Variants in PGBD5 observed in about 807,000 individuals in gnomAD.
PGBD5 encodes piggyBac transposable element derived 5, also known as piggyBac transposable element-derived protein 5.
Under a neutral mutation model 47.9 loss-of-function variants are expected in PGBD5, and 14 were observed. That is an observed-to-expected ratio of 0.29 (90% CI 0.19 to 0.46). The LOEUF is 0.46. Ranked by LOEUF, PGBD5 falls within the 20% of genes least tolerant of loss-of-function variation. The probability of loss-of-function intolerance (pLI) is 1.00; values close to 1 mark genes in which losing one functional copy is unlikely to be tolerated. For missense variants in PGBD5, 635 were observed against 716.0 expected (o/e 0.89, Z 1.29); for synonymous variants, 316 against 306.3 (o/e 1.03, Z -0.33).
At chr1:230,379,446 CATT>C (rs1202092443) in intron 1 of PGBD5, among the ~76,000 whole-genome samples, 1 of 152,218 alleles carries the variant, frequency 6.6e-6, no homozygotes, top group African/African-American at 2.4e-5. Context: ...CTGTTTCCAT[CATT>C]ATTAGAATTA....
At chr1:230,360,528 C>T (rs1169667169) in intron 1 of PGBD5, among the ~76,000 whole-genome samples, 1 of 152,108 alleles carries the variant, frequency 6.6e-6, no homozygotes, top group African/African-American at 2.4e-5. Flanking sequence ...GGCGGGTCCC[C>T]CATGCTGTTC....
intron 1 of PGBD5, among the ~76,000 whole-genome samples, chr1:230,394,725 CCT>C (rs540586907): frequency 1.3e-4 from 17 of 135,386 alleles, no homozygotes; most frequent in Admixed American, 5.8e-4. Flanking sequence ...TCCCCGAGCT[CCT>C]CTCTCATCCC....
intron 1 of PGBD5, among the ~76,000 whole-genome samples, chr1:230,363,597 GGCTTTATGTGCCTTCTAAACT>G (rs987925473): frequency 1.3e-5 from 2 of 151,758 alleles, no homozygotes; most frequent in African/African-American, 4.8e-5. Context: ...AAAAAAAAGT[GGCTTTATGTGCCTTCTAAACT>G]GCAGCCTTTT....
At chr1:230,411,919 T>C (rs916675973) in intron 1 of PGBD5, among the ~76,000 whole-genome samples, 5 of 151,984 alleles carry the variant, frequency 3.3e-5, no homozygotes, top group African/African-American at 1.2e-4. Context: ...AAAAATGAAG[T>C]AAAATAGAAG....
At chr1:230,376,781 T>C (rs1049022167) in intron 1 of PGBD5, among the ~76,000 whole-genome samples, 1 of 152,188 alleles carries the variant, frequency 6.6e-6, no homozygotes, top group African/African-American at 2.4e-5. Flanking sequence ...TAGGGATGTC[T>C]AAGGTTCTTT....
rs183346822 is a variant in PGBD5, at chr1:230,389,152, C to A, written c.332-31831G>T. Among the ~76,000 whole-genome samples the A allele has an allele frequency of 8.0e-4, 122 of 151,858 alleles. 1 individual carries two copies. The East Asian group carries it at 0.022, about 27-fold the overall frequency. On this transcript the variant is annotated intron_variant, in intron 1 of 6. Coordinates refer to ENST00000391860, the MANE Select transcript of PGBD5 (RefSeq NM_001258311.2). Reference sequence around the variant, plus strand: ...TGATGCAAAACCCTTGGAGGTTCTACGCAAGTGATGACATTTTCTTTCTTT... The same window carrying A: ...TGATGCAAAACCCTTGGAGGTTCTAAGCAAGTGATGACATTTTCTTTCTTT...
intron 3 of PGBD5, among the ~76,000 whole-genome samples, chr1:230,339,227 A>G (rs559543755): frequency 6.6e-6 from 1 of 152,220 alleles, no homozygotes; most frequent in Non-Finnish European, 1.5e-5. Flanking sequence ...CGGAGTGAAG[A>G]TGACGTCAGT....
At chr1:230,368,617 C>A (rs960820195) in intron 1 of PGBD5, among the ~76,000 whole-genome samples, 4 of 152,218 alleles carry the variant, frequency 2.6e-5, no homozygotes, top group Non-Finnish European at 5.9e-5. Context: ...TCAGCAGCAT[C>A]CCTGCAGCAC....
chr1:230,413,756 C>T (rs1657460524), intron 1 of PGBD5, among the ~76,000 whole-genome samples: 1 of 152,126 alleles, frequency 6.6e-6, no homozygotes, highest in Admixed American at 6.5e-5. Flanking sequence ...CTGCTCGTGT[C>T]AGCACCTCTT....
chr1:230,395,261 C>T (rs1323815972), intron 1 of PGBD5, among the ~76,000 whole-genome samples: 4 of 42,488 alleles, frequency 9.4e-5, no homozygotes, highest in Non-Finnish European at 1.9e-4. Flanking sequence ...TTCTCCCCCC[C>T]TCACGCTTCT....
chr1:230,355,348 C>T (rs1445320758), intron 2 of PGBD5, among the ~76,000 whole-genome samples: 1 of 152,208 alleles, frequency 6.6e-6, no homozygotes, highest in Admixed American at 6.5e-5. Flanking sequence ...GCCAGGCACT[C>T]ACCCTGGACT....
intron 3 of PGBD5, among the ~76,000 whole-genome samples, chr1:230,340,848 A>G (rs1463642983): frequency 3.9e-5 from 6 of 152,104 alleles, no homozygotes; most frequent in African/African-American, 7.2e-5. Context: ...GTCCTGCCGC[A>G]GGACTGCCTT....
At chr1:230,368,579 AT>A (rs1667879492) in intron 1 of PGBD5, among the ~76,000 whole-genome samples, 2 of 152,196 alleles carry the variant, frequency 1.3e-5, no homozygotes, top group Admixed American at 6.5e-5. Flanking sequence ...ACGCAGGGGG[AT>A]GATGACTCTT....
At chr1:230,356,262 G>A (rs1033572203) in intron 2 of PGBD5, among the ~76,000 whole-genome samples, 8 of 152,182 alleles carry the variant, frequency 5.3e-5, no homozygotes, top group African/African-American at 1.9e-4. Flanking sequence ...CCAGGGCCAG[G>A]TGCCATTGTC....
intron 1 of PGBD5, among the ~76,000 whole-genome samples, chr1:230,369,601 C>G (rs940018738): frequency 1.9e-4 from 26 of 134,938 alleles, no homozygotes; most frequent in African/African-American, 6.2e-4. Flanking sequence ...CCCCATCAGG[C>G]CCTCTGTGCT....
intron 3 of PGBD5, among the ~76,000 whole-genome samples, chr1:230,343,929 CT>C (rs1184975716): frequency 1.3e-5 from 2 of 152,196 alleles, no homozygotes; most frequent in African/African-American, 4.8e-5. Flanking sequence ...AGATACTTGG[CT>C]TTTTGTCTAA....
intron 1 of PGBD5, among the ~76,000 whole-genome samples, chr1:230,376,540 C>G (rs967443674): frequency 6.7e-6 from 1 of 149,316 alleles, no homozygotes; most frequent in African/African-American, 2.4e-5. Flanking sequence ...TGGCCTCTGG[C>G]TTCTTGTTGG....
At chr1:230,355,110 C>T (rs940464401) in intron 2 of PGBD5, among the ~76,000 whole-genome samples, 1 of 152,180 alleles carries the variant, frequency 6.6e-6, no homozygotes, top group African/African-American at 2.4e-5. Flanking sequence ...TCTAGGCTCT[C>T]CCTGTTCCTG....
rs373642462 is a variant in PGBD5, at chr1:230,332,974, C to A, written c.1143G>T (p.Leu381=). The A allele has an allele frequency of 2.7e-4, 438 of 1,613,716 alleles. 1 individual carries two copies. The highest frequency in any genetic ancestry group is 3.5e-4 in the Non-Finnish European group (418 of 1,179,856). Residue 381 remains leucine (L), a synonymous_variant, in exon 5 of 7, where the codon CTG becomes CTT. Transcript: ENST00000391860. ...GGGCCGGGGGTGTGGCTGGGTTGGTCAGCATGGACAGTGGGAGGCCGGTGC... is the reference window on the plus strand; with the variant it reads ...GGGCCGGGGGTGTGGCTGGGTTGGTAAGCATGGACAGTGGGAGGCCGGTGC... The part of the protein sequence containing the change: ...SDCTGLPLSM[L]TNPATPPARG...
Sources: gnomAD v4.1 joint callset for allele counts (sites outside exome capture counted in the v4.1 genomes callset) on GRCh38, gnomAD v4.1.1 for gene constraint, MANE v1.5 for transcripts, NCBI Gene and HGNC (gene_info 2026-07-23, HGNC 2026-07-21) for gene names.